FBXL2: variants seen among roughly 807,000 people sequenced by gnomAD.
FBXL2 encodes F-box/LRR-repeat protein 2.
A neutral mutation model predicts 69.2 loss-of-function variants in FBXL2; 38 were observed. The observed-to-expected ratio is 0.55, with a 90% CI of 0.42 to 0.72. The LOEUF is 0.72. Ranked by LOEUF, FBXL2 falls within the 30% of genes least tolerant of loss-of-function variation. The pLI, the probability that FBXL2 is intolerant of heterozygous loss-of-function variation, is 0.00. For synonymous variants in FBXL2, 192 were observed against 201.3 expected, an observed-to-expected ratio of 0.95 and a Z score of 0.39; for missense variants, 354 against 520.3, an observed-to-expected ratio of 0.68 and a Z score of 3.11.
At chr3:33,378,534 T>G (rs906799979) in intron 12 of FBXL2, 151 bp from the exon 13 acceptor site, 6 of 701,214 alleles carry the variant, frequency 8.6e-6, no homozygotes, top group African/African-American at 1.8e-5. Context: ...GATTTTAGAG[T>G]GCTGGTGAAG....
intron 2 of FBXL2, among the ~76,000 whole-genome samples, chr3:33,322,855 G>T (rs573059111): frequency 6.6e-6 from 1 of 152,126 alleles, no homozygotes; most frequent in African/African-American, 2.4e-5. Flanking sequence ...AATTTGAAAG[G>T]TATGATGAAG....
downstream of FBXL2, chr3:33,391,085 T>G (rs1433484971): frequency 6.6e-6 from 1 of 152,272 alleles, no homozygotes; most frequent in Non-Finnish European, 1.5e-5. Context: ...AACAAAAGAC[T>G]GAGCAGAAGG....
chr3:33,342,557 T>G (rs1575267201), intron 2 of FBXL2, among the ~76,000 whole-genome samples: 1 of 151,616 alleles, frequency 6.6e-6, no homozygotes, highest in African/African-American at 2.4e-5. Flanking sequence ...GAACCAACAC[T>G]CTAAGCATTT....
chr3:33,352,860 A>C (rs555516796), intron 2 of FBXL2, among the ~76,000 whole-genome samples: 31 of 152,242 alleles, frequency 2.0e-4, no homozygotes, highest in Non-Finnish European at 3.4e-4. Flanking sequence ...ACACCACTGC[A>C]CTCCAGCCTG....
chr3:33,281,248 A>G (rs2033971074), intron 1 of FBXL2, among the ~76,000 whole-genome samples: 1 of 151,968 alleles, frequency 6.6e-6, no homozygotes, highest in Non-Finnish European at 1.5e-5. Context: ...CCTGTGTCCA[A>G]GTGTTCTCAT....
At chr3:33,416,657 T>A in the FBXL2 span, 1 of 904,500 alleles carries the variant, frequency 1.1e-6, no homozygotes, top group East Asian at 2.8e-5. Flanking sequence ...AGTTAAAAAG[T>A]TGTAATACAA....
chr3:33,307,225 G>T (rs757272813), intron 2 of FBXL2, among the ~76,000 whole-genome samples: 1 of 152,120 alleles, frequency 6.6e-6, no homozygotes, highest in Admixed American at 6.6e-5. Flanking sequence ...CTGCTCATGC[G>T]ATGTAGAGCA....
chr3:33,334,809 A>G (rs2039445101), intron 2 of FBXL2, among the ~76,000 whole-genome samples: 1 of 152,138 alleles, frequency 6.6e-6, no homozygotes. Flanking sequence ...GGCTGGGTGC[A>G]GTGGCTCACA....
intron 2 of FBXL2, among the ~76,000 whole-genome samples, chr3:33,342,165 C>T (rs1244251531): frequency 2.0e-5 from 3 of 151,220 alleles, no homozygotes; most frequent in East Asian, 3.9e-4. Context: ...ATACTACGCC[C>T]GGCTAATTTT....
chr3:33,390,134 T>C (rs887422361), downstream of FBXL2: 5 of 603,338 alleles, frequency 8.3e-6, no homozygotes, highest in South Asian at 9.4e-5. Context: ...GTGCTCACTC[T>C]CATGAGGATG....
chr3:33,311,377 C>T (rs1057137084), intron 2 of FBXL2, among the ~76,000 whole-genome samples: 3 of 152,056 alleles, frequency 2.0e-5, no homozygotes, highest in Admixed American at 6.5e-5. Context: ...TTTTCTTTTT[C>T]TCTGCTCCTT....
chr3:33,312,322 G>C (rs2037286425), intron 2 of FBXL2, among the ~76,000 whole-genome samples: 1 of 152,210 alleles, frequency 6.6e-6, no homozygotes, highest in Admixed American at 6.5e-5. Context: ...GCCTCCCAAA[G>C]TGTTGGGATT....
chr3:33,306,130 T>C (rs933493098), intron 2 of FBXL2, among the ~76,000 whole-genome samples: 1 of 152,112 alleles, frequency 6.6e-6, no homozygotes, highest in Non-Finnish European at 1.5e-5. Flanking sequence ...TTTTGAGCCT[T>C]AGACAATTAA....
At chr3:33,332,840 T>A (rs1337120889) in intron 2 of FBXL2, among the ~76,000 whole-genome samples, 2 of 152,218 alleles carry the variant, frequency 1.3e-5, no homozygotes, top group Non-Finnish European at 2.9e-5. Context: ...ATCATATATG[T>A]GGTTGATCGT....
chr3:33,367,520 T>C (rs550459732), intron 5 of FBXL2, among the ~76,000 whole-genome samples: 1 of 152,214 alleles, frequency 6.6e-6, no homozygotes, highest in African/African-American at 2.4e-5. Flanking sequence ...TAATATCCTC[T>C]TATTTTAATA....
At position 33,385,518 on chromosome 3, in the gene FBXL2, C is replaced by T. The variant is rs764413207; in HGVS notation, c.1182C>T (p.Val394=). Residue 394 remains valine, a synonymous_variant, in exon 15 of 15, where the codon GTC becomes GTT. Transcript: ENST00000484457. ...CCTTCCAGGCTCAGCTCCCTCATGT[C>T]AAAGTCCACGCCTACTTTGCTCCCG... ...IKRMRAQLPH[V]KVHAYFAPVT... is the part of the protein sequence containing the mutation. 1.7e-5 allele frequency: 27 copies of T among 1,614,100 alleles called. 2 individuals are homozygous for T. The South Asian group carries it at 3.0e-4, about 18-fold the overall frequency.
At chr3:33,380,954 A>G (rs77609328) in intron 13 of FBXL2, among the ~76,000 whole-genome samples, 2,733 of 152,244 alleles carry the variant, frequency 0.018, 33 homozygotes, top group South Asian at 0.027. Context: ...GTCATCTGTA[A>G]AAAGGGAATA....
the FBXL2 span, among the ~76,000 whole-genome samples, chr3:33,418,897 G>A: frequency 6.9e-6 from 1 of 145,174 alleles, no homozygotes; most frequent in Non-Finnish European, 1.5e-5. Context: ...GCTAACAAAT[G>A]TCCAGTATCC....
chr3:33,298,046 A>G (rs972467445), intron 2 of FBXL2: 3 of 311,440 alleles, frequency 9.6e-6, no homozygotes, highest in African/African-American at 4.4e-5. Flanking sequence ...ATGAGGAGAC[A>G]TTATTGCAAG....
Sources: allele counts gnomAD v4.1 joint callset (sites outside exome capture counted in the v4.1 genomes callset), GRCh38; gene constraint gnomAD v4.1.1; transcripts MANE v1.5; gene names NCBI Gene and HGNC (gene_info 2026-07-23, HGNC 2026-07-21).